Variants in PTPRT observed in about 807,000 individuals in gnomAD.
The protein encoded by PTPRT is protein tyrosine phosphatase receptor type T.
In PTPRT, 56 loss-of-function variants were observed where a neutral mutation model predicts 176.8. The observed-to-expected ratio is 0.32, with a 90% confidence interval of 0.26 to 0.40. PTPRT has a LOEUF of 0.40. Among genes scored for constraint, PTPRT ranks in the 10% least tolerant of loss-of-function variants. PTPRT has a pLI of 1.00. For synonymous variants in PTPRT, 783 were observed against 739.0 expected, an observed-to-expected ratio of 1.06 and a Z score of -0.96; for missense variants, 1,540 against 1,908.2, an observed-to-expected ratio of 0.81 and a Z score of 3.60.
At chr20:42,734,947 C>G (rs2076516459) in intron 6 of PTPRT, among the ~76,000 whole-genome samples, 1 of 152,206 alleles carries the variant, frequency 6.6e-6, no homozygotes, top group African/African-American at 2.4e-5. Context: ...GTCAATGGGG[C>G]TTTGTCAAAG....
intron 6 of PTPRT, among the ~76,000 whole-genome samples, chr20:42,683,271 T>TTTTGTTTTGTTTTGTTTTG (rs1555898542): frequency 6.7e-6 from 1 of 149,280 alleles, no homozygotes. Context: ...TTACTTGTTT[T>TTTTGTTTTGTTTTGTTTTG]TTTTGTTTTG....
chr20:42,629,622 G>T (rs2074366173), intron 7 of PTPRT, among the ~76,000 whole-genome samples: 1 of 152,168 alleles, frequency 6.6e-6, no homozygotes, highest in Non-Finnish European at 1.5e-5. Flanking sequence ...CAATTTTTCT[G>T]GGGGAGAGGG....
chr20:42,557,234 C>T (rs2072876138), intron 7 of PTPRT, among the ~76,000 whole-genome samples: 1 of 152,020 alleles, frequency 6.6e-6, no homozygotes, highest in African/African-American at 2.4e-5. Context: ...CATTATATAT[C>T]AGTTATTATT....
chr20:42,302,227 G>A (rs954866275), intron 12 of PTPRT, among the ~76,000 whole-genome samples: 1 of 152,096 alleles, frequency 6.6e-6, no homozygotes, highest in South Asian at 2.1e-4. Context: ...AATTGATATT[G>A]AGATTATAGG....
intron 2 of PTPRT, among the ~76,000 whole-genome samples, chr20:42,843,008 T>G (rs550257007): frequency 6.6e-6 from 1 of 152,188 alleles, no homozygotes. Context: ...TACGAACACC[T>G]AGACCACAGA....
At position 42,939,974 on chromosome 20, in the gene PTPRT, T is replaced by C. The variant is rs911535159; in HGVS notation, c.89-54042A>G. Among the ~76,000 whole-genome samples, 5 of 152,206 alleles carry C rather than the reference T, an allele frequency of 3.3e-5. 1 individual carries two copies. Among genetic ancestry groups the C allele is most frequent in the African/African-American group, 1.2e-4 (5 of 41,450 alleles). On this transcript the variant is annotated intron_variant, in intron 1 of 30. Transcript: ENST00000373187. The stretch of plus-strand genomic sequence containing the variant: ...TCAACACCACTATTCTGTCACCCAC[T>C]GAGAGCAATGGATAAGAATAGACTA...
chr20:43,170,174 A>G (rs2014961872), intron 1 of PTPRT, among the ~76,000 whole-genome samples: 2 of 131,240 alleles, frequency 1.5e-5, no homozygotes, highest in Admixed American at 7.3e-5. Context: ...CGATATATAT[A>G]CGGGGGAAAT....
At chr20:43,017,636 G>A (rs1441689441) in intron 1 of PTPRT, among the ~76,000 whole-genome samples, 1 of 152,192 alleles carries the variant, frequency 6.6e-6, no homozygotes, top group Non-Finnish European at 1.5e-5. Flanking sequence ...AAGAGCACAA[G>A]GAAGGACAGA....
chr20:42,816,854 T>A (rs186404424), intron 2 of PTPRT, among the ~76,000 whole-genome samples: 417 of 152,194 alleles, frequency 2.7e-3, no homozygotes, highest in African/African-American at 9.5e-3. Flanking sequence ...CACTAACCAA[T>A]CATGAAAGGC....
intron 13 of PTPRT, among the ~76,000 whole-genome samples, chr20:42,279,323 A>G (rs557187815): frequency 4.7e-4 from 72 of 152,222 alleles, no homozygotes; most frequent in African/African-American, 1.6e-3. Flanking sequence ...GAACACAGTC[A>G]AGCAGACAAG....
chr20:42,883,732 C>CTACACATG (rs1307025061), intron 2 of PTPRT, among the ~76,000 whole-genome samples: 630 of 8,016 alleles, frequency 0.079, 18 homozygotes, highest in Middle Eastern at 0.46. Context: ...CCATACACCC[C>CTACACATG]CATACACTCT....
chr20:42,487,643 C>G (rs2071486543), intron 7 of PTPRT, among the ~76,000 whole-genome samples: 1 of 152,146 alleles, frequency 6.6e-6, no homozygotes, highest in Admixed American at 6.6e-5. Flanking sequence ...GGAGAAAGAA[C>G]AGCAAGCAAA....
intron 2 of PTPRT, among the ~76,000 whole-genome samples, chr20:42,849,771 T>C (rs1036278737): frequency 4.6e-5 from 7 of 152,190 alleles, no homozygotes; most frequent in African/African-American, 1.7e-4. Context: ...TGTGTGAATT[T>C]TCTAGAACAG....
At chr20:42,551,543 T>C (rs752751050) in intron 7 of PTPRT, among the ~76,000 whole-genome samples, 1 of 152,206 alleles carries the variant, frequency 6.6e-6, no homozygotes, top group Non-Finnish European at 1.5e-5. Flanking sequence ...TTTCCCTCTA[T>C]GCAAAATGTG....
intron 7 of PTPRT, among the ~76,000 whole-genome samples, chr20:42,655,348 G>A (rs2017754): frequency 0.47 from 72,129 of 151,880 alleles, 18,853 homozygotes; most frequent in Middle Eastern, 0.58. Flanking sequence ...AAAACTGGCC[G>A]GGCATGGTAG....
At chr20:42,692,734 T>C (rs917222139) in intron 6 of PTPRT, among the ~76,000 whole-genome samples, 2 of 152,194 alleles carry the variant, frequency 1.3e-5, no homozygotes, top group Admixed American at 1.3e-4. Context: ...GACTACATAA[T>C]TGTGTGTGTA....
chr20:42,587,250 G>A (rs1017164309), intron 7 of PTPRT, among the ~76,000 whole-genome samples: 3 of 152,160 alleles, frequency 2.0e-5, no homozygotes, highest in Non-Finnish European at 4.4e-5. Flanking sequence ...CAATTGCATT[G>A]TTTCCCACGG....
intron 7 of PTPRT, among the ~76,000 whole-genome samples, chr20:42,633,216 C>T (rs2074452422): frequency 6.6e-6 from 1 of 152,066 alleles, no homozygotes; most frequent in Admixed American, 6.6e-5. Context: ...GAAATTGATT[C>T]ATTGGAAAAT....
chr20:43,006,543 C>T (rs1380595602), intron 1 of PTPRT, among the ~76,000 whole-genome samples: 2 of 152,150 alleles, frequency 1.3e-5, no homozygotes, highest in East Asian at 1.9e-4. Flanking sequence ...GATCAGCTTC[C>T]CTTTGAACTC....
Sources: allele counts gnomAD v4.1 joint callset (sites outside exome capture counted in the v4.1 genomes callset), GRCh38; gene constraint gnomAD v4.1.1; transcripts MANE v1.5; gene names NCBI Gene and HGNC (gene_info 2026-07-23, HGNC 2026-07-21).